The following FOLR2 variants were observed in gnomAD, a reference collection of about 807,000 sequenced individuals.
The protein encoded by FOLR2 is folate receptor beta, also known as folate receptor 2 (fetal).
FOLR2 carries 14 observed loss-of-function variants against 20.4 expected under a neutral mutation model. That is an observed-to-expected ratio of 0.68 (90% CI 0.45 to 1.07). The LOEUF is 1.07. Among genes scored for constraint, FOLR2 ranks in the 50% least tolerant of loss-of-function variants. The pLI is 0.00. For missense variants in FOLR2, 269 were observed against 322.6 expected (o/e 0.83, Z 1.27); for synonymous variants, 114 against 114.3 (o/e 1.00, Z 0.02).
At chr11:72,221,386 G>T in intron 4 of FOLR2, 75 bp downstream of exon 4, 1 of 1,597,748 alleles carries the variant, frequency 6.3e-7, no homozygotes. Flanking sequence ...GATTTGGGGT[G>T]GGGTGAAGAT....
At position 72,220,748 on chromosome 11, in the gene FOLR2, C is replaced by A. The variant is rs188646499; in HGVS notation, c.151-122C>A. On this transcript the variant is annotated intron_variant, in intron 2 of 4. Coordinates refer to ENST00000298223, the MANE Select transcript of FOLR2 (RefSeq NM_000803.5). ...GAGAGAGGGACCATCATCTGGGAAC[C>A]TGAGTGTTCTCAGGACAACCTGCCT... 2.9e-4 allele frequency: 361 copies of A among 1,242,012 alleles called. No homozygotes were observed. In the African/African-American group the frequency reaches 4.9e-3, roughly 17 times the overall value. The allele number at this position is 1,242,012 out of a possible 1,614,324, so 76.9% of individuals were successfully genotyped here. A position where few individuals can be genotyped will look rare whatever the true frequency, so the allele number is the denominator to read the frequency against.
chr11:72,217,655 C>A (rs148334093), intron 1 of FOLR2, among the ~76,000 whole-genome samples: 3 of 152,254 alleles, frequency 2.0e-5, no homozygotes, highest in Admixed American at 6.5e-5. Context: ...TCTCTCAGAT[C>A]TAAGGGTCTC....
chr11:72,221,067 T>TCGGGGGGGGGGCGCCCCCCCCCCCCCCC lies in FOLR2; in HGVS notation c.339+10_339+11insGGGGGGGGGGCGCCCCCCCCCCCCCCCC. 2 of 1,570,104 alleles carry TCGGGGGGGGGGCGCCCCCCCCCCCCCCC rather than the reference T, an allele frequency of 1.3e-6. No homozygotes were observed. Among genetic ancestry groups the TCGGGGGGGGGGCGCCCCCCCCCCCCCCC allele is most frequent in the Non-Finnish European group, 1.7e-6 (2 of 1,154,902 alleles). ...GGCCCTGGATCCAGCAGGTAGGGTG[T>TCGGGGGGGGGGCGCCCCCCCCCCCCCCC]CTCCCCCCCACCCACCCCAGCAGAC... On this transcript the variant is annotated intron_variant, in intron 3 of 4. Transcript: ENST00000298223.
In FOLR2 at chr11:72,221,069, T is replaced by TGGCCCCC; in HGVS notation, c.339+11_339+12insGGCCCCC. On this transcript the variant is annotated intron_variant, in intron 3 of 4. Coordinates refer to ENST00000298223, the MANE Select transcript of FOLR2 (RefSeq NM_000803.5). ...CCCTGGATCCAGCAGGTAGGGTGTC[T>TGGCCCCC]CCCCCCCACCCACCCCAGCAGACTG... The TGGCCCCC allele has an allele frequency of 1.4e-6, 1 of 717,302 alleles. No individual in the cohort carries two copies. Among genetic ancestry groups the TGGCCCCC allele is most frequent in the Non-Finnish European group, 2.2e-6 (1 of 458,082 alleles). The allele number at this position is 717,302 out of a possible 1,614,324, so 44.4% of individuals were successfully genotyped here.
Position 72,221,470 on chromosome 11 carries a change from G to C in FOLR2, c.476G>C (p.Gly159Ala). The C allele has an allele frequency of 5.0e-6, 8 of 1,613,556 alleles. No individual in the cohort carries two copies. The highest frequency in any genetic ancestry group is 6.8e-6 in the Non-Finnish European group (8 of 1,179,592). The change falls in exon 5 of 5, where the codon GGA (glycine) becomes GCA (alanine). Residue 159 changes from glycine to alanine, a missense_variant and splice_region_variant. Physicochemically the swap from Gly to Ala is moderately conservative, Grantham distance 60 (BLOSUM62 0). Transcript: ENST00000298223. ...GTGTCCACCATGCCTCTCCCTGCAG[G>C]AGTTAACAAGTGCCCAGCTGGGGCT... ...NWHRGWDWTS[G>A]VNKCPAGALC... is the part of the protein sequence containing the mutation.
At chr11:72,218,230 A>G (rs969914197) in intron 1 of FOLR2, among the ~76,000 whole-genome samples, 1 of 152,198 alleles carries the variant, frequency 6.6e-6, no homozygotes, top group African/African-American at 2.4e-5. Context: ...CTGTTCAGGG[A>G]AGCAGAGGAT....
At chr11:72,219,806 T>C (rs1313685473) in intron 2 of FOLR2, among the ~76,000 whole-genome samples, 1 of 152,142 alleles carries the variant, frequency 6.6e-6, no homozygotes, top group East Asian at 1.9e-4. Flanking sequence ...GATGTGCCTA[T>C]ATGTAAGATA....
rs771107425 is a variant in FOLR2, at chr11:72,220,919, A to G, written c.200A>G (p.Glu67Gly). The G allele has an allele frequency of 5.0e-6, 8 of 1,613,970 alleles. No individual in the cohort carries two copies. In the Admixed American group the frequency reaches 8.3e-5, roughly 17 times the overall value. ...NACCTASTSQ[E>G]LHKDTSRLYN... ...TGCTGCACAGCCAGCACCAGCCAGG[A>G]GCTGCACAAGGACACCTCCCGCCTG... Residue 67 changes from glutamate (E) to glycine (G), a missense_variant, in exon 3 of 5, where the codon GAG (glutamate) becomes GGG (glycine). Glu to Gly is a moderately conservative substitution (Grantham distance 98). Transcript: ENST00000298223.
Position 72,220,894 on chromosome 11 carries a change from T to G in FOLR2, c.175T>G (p.Cys59Gly). The part of the protein sequence containing the change: ...DQCSPWKKNA[C>G]CTASTSQELH... ...GTGCAGTCCCTGGAAGAAGAATGCC[T>G]GCTGCACAGCCAGCACCAGCCAGGA... The change falls in exon 3 of 5, where the codon TGC (cysteine) becomes GGC (glycine). Residue 59 changes from cysteine (C) to glycine (G), a missense_variant. Cys to Gly is a radical substitution (Grantham distance 159). Coordinates refer to ENST00000298223, the MANE Select transcript of FOLR2 (RefSeq NM_000803.5). The G allele has an allele frequency of 1.9e-6, 3 of 1,613,978 alleles. No homozygotes were observed. The highest frequency in any genetic ancestry group is 2.5e-6 in the Non-Finnish European group (3 of 1,179,890).
chr11:72,221,917 C>T lies in FOLR2; in HGVS notation c.*155C>T. On this transcript the variant is annotated 3_prime_UTR_variant, in exon 5 of 5. Transcript: ENST00000298223. ...TGCTCCATGGTGGGGCCAAGAGTCA[C>T]TTCTAATAAACAGACTGTTTTCTAA... 1 of 671,524 alleles carries T rather than the reference C, an allele frequency of 1.5e-6. No individual in the cohort carries two copies. The highest frequency in any genetic ancestry group is 2.5e-6 in the Non-Finnish European group (1 of 400,356). The allele number at this position is 671,524 out of a possible 1,614,324, so 41.6% of individuals were successfully genotyped here. A position where few individuals can be genotyped will look rare whatever the true frequency, so the allele number is the denominator to read the frequency against.
chr11:72,218,708 G>A lies in FOLR2; in HGVS notation c.124G>A (p.Gly42Ser). ...TGCCAAGCACCACAAGACAAAGCCA[G>A]GTCCTGAGGACAAGCTGCATGACCA... ...MDAKHHKTKP[G>S]PEDKLHDQCS... is the part of the protein sequence containing the mutation. The change falls in exon 2 of 5, where the codon GGT becomes AGT. Residue 42 changes from glycine (G) to serine (S), a missense_variant. Gly to Ser is a moderately conservative substitution (Grantham distance 56). Transcript: ENST00000298223. 1 of 1,612,326 alleles carries A rather than the reference G, an allele frequency of 6.2e-7. No individual in the cohort carries two copies. The highest frequency in any genetic ancestry group is 8.5e-7 in the Non-Finnish European group (1 of 1,179,128).
In FOLR2 at chr11:72,221,774, C is replaced by T. The variant is rs1465426870; in HGVS notation, c.*12C>T. 3 of 1,608,858 alleles carry T rather than the reference C, an allele frequency of 1.9e-6. No homozygotes were observed. Among genetic ancestry groups the T allele is most frequent in the African/African-American group, 2.7e-5 (2 of 74,856 alleles). On this transcript the variant is annotated 3_prime_UTR_variant, in exon 5 of 5. Transcript: ENST00000298223. ...GGCTCCTTGGCTGAGTTCAGTCCTC[C>T]CAGACTACCTGCCCTCAGCTTGGAT...
At position 72,221,856 on chromosome 11, in the gene FOLR2, A is replaced by T; in HGVS notation, c.*94A>T. On this transcript the variant is annotated 3_prime_UTR_variant, in exon 5 of 5. Coordinates refer to ENST00000298223, the MANE Select transcript of FOLR2 (RefSeq NM_000803.5). ...ATGACAGCCCCTTAAGCATGCTTCTATTAGTCACCTAACCCTCTGTCACCC... is the reference window on the plus strand; with the variant it reads ...ATGACAGCCCCTTAAGCATGCTTCTTTTAGTCACCTAACCCTCTGTCACCC... The T allele has an allele frequency of 8.3e-7, 1 of 1,208,988 alleles. No individual in the cohort carries two copies. The allele number at this position is 1,208,988 out of a possible 1,614,324, so 74.9% of individuals were successfully genotyped here.
intron 2 of FOLR2, among the ~76,000 whole-genome samples, chr11:72,220,292 C>T (rs2135402943): frequency 6.6e-6 from 1 of 152,316 alleles, no homozygotes; most frequent in African/African-American, 2.4e-5. Context: ...TCCCTCTCTT[C>T]CTTTGCTCAA....
At chr11:72,221,339 A>G (rs1321846111) in intron 4 of FOLR2, 28 bp downstream of exon 4, 1 of 1,608,884 alleles carries the variant, frequency 6.2e-7, no homozygotes, top group South Asian at 1.1e-5. Context: ...GGGGTTAGGA[A>G]AAAGGAGATT....
intron 2 of FOLR2, among the ~76,000 whole-genome samples, chr11:72,219,006 C>T (rs2135401513): frequency 6.6e-6 from 1 of 152,278 alleles, no homozygotes; most frequent in East Asian, 1.9e-4. Context: ...TTCATATTCC[C>T]AGGGGTTCTT....
chr11:72,217,061 G>C, intron 1 of FOLR2, 136 bp downstream of exon 1: 3 of 1,028,700 alleles, frequency 2.9e-6, no homozygotes, highest in Non-Finnish European at 2.8e-6. Flanking sequence ...GTCTCGCTCT[G>C]TCACCCAGGC....
In FOLR2 at chr11:72,221,067, T is replaced by TCGGGGGGGGGGCGGGCCCCCCCCCCCCCC; in HGVS notation, c.339+10_339+11insGGGGGGGGGGCGGGCCCCCCCCCCCCCCC. The TCGGGGGGGGGGCGGGCCCCCCCCCCCCCC allele has an allele frequency of 6.4e-7, 1 of 1,570,118 alleles. No individual in the cohort carries two copies. Among genetic ancestry groups the TCGGGGGGGGGGCGGGCCCCCCCCCCCCCC allele is most frequent in the Non-Finnish European group, 8.7e-7 (1 of 1,154,914 alleles). On this transcript the variant is annotated intron_variant, in intron 3 of 4. Transcript: ENST00000298223. Reference sequence around the variant, plus strand: ...GGCCCTGGATCCAGCAGGTAGGGTGTCTCCCCCCCACCCACCCCAGCAGAC... The same window carrying TCGGGGGGGGGGCGGGCCCCCCCCCCCCCC: ...GGCCCTGGATCCAGCAGGTAGGGTGTCGGGGGGGGGGCGGGCCCCCCCCCCCCCCCTCCCCCCCACCCACCCCAGCAGAC...
chr11:72,220,594 T>C (rs1948467788), intron 2 of FOLR2, among the ~76,000 whole-genome samples: 1 of 152,256 alleles, frequency 6.6e-6, no homozygotes, highest in African/African-American at 2.4e-5. Flanking sequence ...GGACTTTTTA[T>C]GAAGTGTTAC....
Sources: allele counts gnomAD v4.1 joint callset (sites outside exome capture counted in the v4.1 genomes callset), GRCh38; gene constraint gnomAD v4.1.1; transcripts MANE v1.5; gene names NCBI Gene and HGNC (gene_info 2026-07-23, HGNC 2026-07-21).